The following NLGN1 variants were observed in gnomAD, a reference collection of about 807,000 sequenced individuals.
NLGN1 encodes the protein neuroligin 1, also known as neuroligin-1.
A neutral mutation model predicts 65.5 loss-of-function variants in NLGN1; 12 were observed. The ratio of observed to expected loss-of-function variants is 0.18; its 90% confidence interval spans 0.12 to 0.30. NLGN1 has a LOEUF of 0.30. Among genes scored for constraint, NLGN1 ranks in the 10% least tolerant of loss-of-function variants. The pLI, the probability that NLGN1 is intolerant of heterozygous loss-of-function variation, is 1.00. For missense variants in NLGN1, 750 were observed against 1,007.1 expected (o/e 0.74, Z 3.46); for synonymous variants, 350 against 359.5 (o/e 0.97, Z 0.30).
chr3:173,454,117 G>A, intron 2 of NLGN1, among the ~76,000 whole-genome samples: 1 of 152,190 alleles, frequency 6.6e-6, no homozygotes, highest in Non-Finnish European at 1.5e-5. Flanking sequence ...TTGTCAATGA[G>A]CAGTAATATT....
intron 4 of NLGN1, among the ~76,000 whole-genome samples, chr3:174,272,700 TAG>T (rs1350716441): frequency 7.3e-5 from 11 of 150,138 alleles, no homozygotes; most frequent in African/African-American, 2.4e-4. Context: ...GATAGATAGA[TAG>T]ATAGATATAG....
intron 3 of NLGN1, among the ~76,000 whole-genome samples, chr3:173,767,717 TGAA>T (rs942249365): frequency 3.3e-5 from 5 of 152,174 alleles, no homozygotes; most frequent in Non-Finnish European, 7.4e-5. Context: ...CCATTCAATT[TGAA>T]GAAATCTTAG....
At chr3:173,547,505 T>G (rs2149252917) in intron 2 of NLGN1, among the ~76,000 whole-genome samples, 1 of 152,290 alleles carries the variant, frequency 6.6e-6, no homozygotes, top group Non-Finnish European at 1.5e-5. Context: ...TGATCCATGA[T>G]TGCCCTAATT....
At chr3:173,396,854 T>C (rs755504662), upstream of NLGN1, among the ~76,000 whole-genome samples, 25 of 152,022 alleles carry the variant, frequency 1.6e-4, no homozygotes, top group Non-Finnish European at 2.5e-4. Flanking sequence ...TCCAATCCCA[T>C]TGGGGTGGGG....
At chr3:174,008,496 T>C (rs1248620933) in intron 4 of NLGN1, among the ~76,000 whole-genome samples, 1 of 151,998 alleles carries the variant, frequency 6.6e-6, no homozygotes, top group Non-Finnish European at 1.5e-5. Context: ...TCTCTTCTGT[T>C]TTTTTCTCAC....
At chr3:173,713,911 T>C (rs898078332) in intron 3 of NLGN1, among the ~76,000 whole-genome samples, 3 of 152,110 alleles carry the variant, frequency 2.0e-5, no homozygotes, top group African/African-American at 7.2e-5. Context: ...TATATGGCTT[T>C]ATTGCTAAAG....
chr3:174,012,660 T>C (rs1725787090), intron 4 of NLGN1, among the ~76,000 whole-genome samples: 1 of 152,176 alleles, frequency 6.6e-6, no homozygotes, highest in African/African-American at 2.4e-5. Flanking sequence ...TTGCATTTTA[T>C]CTTCACCATC....
chr3:173,967,213 A>G (rs1715081479), intron 4 of NLGN1, among the ~76,000 whole-genome samples: 1 of 152,132 alleles, frequency 6.6e-6, no homozygotes, highest in South Asian at 2.1e-4. Context: ...CAAAAGAAGT[A>G]CTCTAAGGCC....
At chr3:174,075,222 T>C (rs908252373) in intron 4 of NLGN1, among the ~76,000 whole-genome samples, 27 of 152,056 alleles carry the variant, frequency 1.8e-4, no homozygotes, top group African/African-American at 5.6e-4. Flanking sequence ...ATACAAACAA[T>C]CTCATTATAT....
At chr3:173,581,728 T>A (rs73181063) in intron 2 of NLGN1, among the ~76,000 whole-genome samples, 23 of 152,086 alleles carry the variant, frequency 1.5e-4, no homozygotes, top group South Asian at 2.1e-4. Flanking sequence ...CATTATGAAA[T>A]ATTGATATTT....
chr3:173,400,388 A>T (rs564620391), intron 1 of NLGN1, among the ~76,000 whole-genome samples: 1 of 152,240 alleles, frequency 6.6e-6, no homozygotes, highest in Non-Finnish European at 1.5e-5. Flanking sequence ...AAACCTCCTT[A>T]TGTAGATTAA....
intron 3 of NLGN1, among the ~76,000 whole-genome samples, chr3:173,650,869 G>A (rs1294148757): frequency 6.6e-6 from 1 of 151,614 alleles, no homozygotes; most frequent in Non-Finnish European, 1.5e-5. Context: ...TATTTGGCAG[G>A]ACTGCTACTG....
chr3:174,174,543 T>C (rs1729105690), intron 4 of NLGN1, among the ~76,000 whole-genome samples: 1 of 152,058 alleles, frequency 6.6e-6, no homozygotes, highest in African/African-American at 2.4e-5. Context: ...TGATATCGCA[T>C]TGTGGTTTTG....
chr3:173,633,343 T>C (rs1439887687), intron 3 of NLGN1, among the ~76,000 whole-genome samples: 2 of 152,162 alleles, frequency 1.3e-5, no homozygotes, highest in Non-Finnish European at 2.9e-5. Context: ...CACTTGGCCT[T>C]GATGCCTGGT....
At chr3:173,961,901 A>G (rs1713668433) in intron 4 of NLGN1, among the ~76,000 whole-genome samples, 1 of 152,096 alleles carries the variant, frequency 6.6e-6, no homozygotes, top group African/African-American at 2.4e-5. Flanking sequence ...CCCCACAAAA[A>G]TAACTCTGGA....
chr3:173,448,132 C>T (rs1024953374), intron 2 of NLGN1, among the ~76,000 whole-genome samples: 11 of 152,094 alleles, frequency 7.2e-5, no homozygotes, highest in African/African-American at 2.7e-4. Context: ...GCATCCCTGT[C>T]TTGTGCCAGT....
chr3:174,240,460 G>C (rs926959118), intron 4 of NLGN1, among the ~76,000 whole-genome samples: 2 of 151,972 alleles, frequency 1.3e-5, no homozygotes, highest in Non-Finnish European at 2.9e-5. Flanking sequence ...GGATTAAAAA[G>C]AAATATCTAC....
chr3:173,475,220 T>A (rs1725990517), intron 2 of NLGN1, among the ~76,000 whole-genome samples: 1 of 152,270 alleles, frequency 6.6e-6, no homozygotes. Context: ...TAACGTTATT[T>A]CAATTACTTG....
intron 4 of NLGN1, among the ~76,000 whole-genome samples, chr3:174,017,246 ATGT>A: frequency 6.6e-6 from 1 of 152,272 alleles, no homozygotes; most frequent in African/African-American, 2.4e-5. Flanking sequence ...CTTTTGGCTG[ATGT>A]TGTGTCCAGA....
Sources: allele counts gnomAD v4.1 joint callset (sites outside exome capture counted in the v4.1 genomes callset), GRCh38; gene constraint gnomAD v4.1.1; transcripts MANE v1.5; gene names NCBI Gene and HGNC (gene_info 2026-07-23, HGNC 2026-07-21).